The following RAB14 variants were observed in gnomAD, a reference collection of about 807,000 sequenced individuals.
RAB14 encodes ras-related protein Rab-14.
A neutral mutation model predicts 31.1 loss-of-function variants in RAB14; 3 were observed. The ratio of observed to expected loss-of-function variants is 0.10; its 90% CI spans 0.04 to 0.25. The LOEUF (loss-of-function observed/expected upper bound fraction) is 0.25, where lower values mean the gene tolerates loss of function less well. Ranked by LOEUF, RAB14 falls within the 10% of genes least tolerant of loss-of-function variation. The pLI is 1.00. For missense variants in RAB14, 111 were observed against 260.1 expected, an observed-to-expected ratio of 0.43 and a Z score of 3.94; for synonymous variants, 85 against 84.9, an observed-to-expected ratio of 1.00 and a Z score of 0.00.
intron 6 of RAB14, 61 bp downstream of exon 6, chr9:121,183,250 C>A: frequency 1.5e-6 from 2 of 1,369,406 alleles, no homozygotes; most frequent in South Asian, 1.3e-5. Context: ...ACAAAACTGT[C>A]AAGCCCACCT....
intron 1 of RAB14, among the ~76,000 whole-genome samples, chr9:121,200,380 G>A (rs1157758074): frequency 1.3e-5 from 2 of 152,206 alleles, no homozygotes; most frequent in African/African-American, 2.4e-5. Context: ...ATTTTTTAAA[G>A]GCAGTTGGGA....
chr9:121,183,436 A>C (rs1395623150), intron 5 of RAB14, 38 bp from the exon 6 acceptor site: 1 of 1,478,370 alleles, frequency 6.8e-7, no homozygotes, highest in East Asian at 2.3e-5. Flanking sequence ...TTGTAACAAA[A>C]GCAGTAATTT....
At chr9:121,187,050 G>A in intron 4 of RAB14, 31 bp from the exon 5 acceptor site, 3 of 1,325,304 alleles carry the variant, frequency 2.3e-6, no homozygotes, top group East Asian at 2.5e-5. Flanking sequence ...ATTTGTGACT[G>A]CCATATAATT....
Position 121,179,048 on chromosome 9 carries a change from GCATCAGCCACCAAATGTGCTGATCTTACA to G in RAB14, c.*2319_*2347del, listed in dbSNP as rs1231334502. 7 of 152,182 alleles carry G rather than the reference GCATCAGCCACCAAATGTGCTGATCTTACA, an allele frequency of 4.6e-5. No individual in the cohort carries two copies. The highest frequency in any genetic ancestry group is 3.9e-4 in the Admixed American group (6 of 15,270). 9.4% of individuals were successfully genotyped at this position (152,182 alleles called of 1,614,324 possible). A position where few individuals can be genotyped will look rare whatever the true frequency, so the allele number is the denominator to read the frequency against. ...CTCCCGGTACAGTCAAAGGAGAACA[GCATCAGCCACCAAATGTGCTGATCTTACA>G]CTGAAAAGGGTTGACTGAAAACATT... On this transcript the variant is annotated 3_prime_UTR_variant, in exon 8 of 8. Coordinates refer to ENST00000373840, the MANE Select transcript of RAB14 (RefSeq NM_016322.4).
intron 4 of RAB14, among the ~76,000 whole-genome samples, chr9:121,189,548 A>G (rs913477617): frequency 6.6e-6 from 1 of 152,110 alleles, no homozygotes; most frequent in African/African-American, 2.4e-5. Context: ...TTTAGGCACT[A>G]TAATTATAAT....
At chr9:121,192,958 T>A (rs1426533909) in intron 2 of RAB14, among the ~76,000 whole-genome samples, 1 of 152,104 alleles carries the variant, frequency 6.6e-6, no homozygotes, top group African/African-American at 2.4e-5. Context: ...ATACTATATT[T>A]TATATATATT....
Position 121,181,324 on chromosome 9 carries a change from G to A in RAB14, c.*72C>T, listed in dbSNP as rs1162184908. On this transcript the variant is annotated 3_prime_UTR_variant, in exon 8 of 8. Coordinates refer to ENST00000373840, the MANE Select transcript of RAB14 (RefSeq NM_016322.4). Reference sequence around the variant, plus strand: ...CCCAGTAAGATGTACAGAAGACAATGAGGCAGTAAAAAGTACTGCTTCCAA... The same window carrying A: ...CCCAGTAAGATGTACAGAAGACAATAAGGCAGTAAAAAGTACTGCTTCCAA... The A allele has an allele frequency of 7.3e-7, 1 of 1,377,222 alleles. No individual in the cohort carries two copies. The highest frequency in any genetic ancestry group is 9.8e-7 in the Non-Finnish European group (1 of 1,024,498). The allele number at this position is 1,377,222 out of a possible 1,614,324, so 85.3% of individuals were successfully genotyped here. A position where few individuals can be genotyped will look rare whatever the true frequency, so the allele number is the denominator to read the frequency against.
intron 7 of RAB14, 67 bp downstream of exon 7, chr9:121,182,863 C>A: frequency 7.3e-7 from 1 of 1,370,594 alleles, no homozygotes; most frequent in South Asian, 1.3e-5. Flanking sequence ...ATATACTTTT[C>A]ATATATACGG....
chr9:121,190,424 A>G, intron 4 of RAB14, 130 bp downstream of exon 4: 1 of 879,176 alleles, frequency 1.1e-6, no homozygotes, highest in South Asian at 2.6e-5. Flanking sequence ...AACTTAAGAA[A>G]CCATAAAAAA....
chr9:121,183,187 CA>C, intron 6 of RAB14, 123 bp downstream of exon 6: 1 of 840,114 alleles, frequency 1.2e-6, no homozygotes, highest in Non-Finnish European at 1.9e-6. Context: ...GTTACTTCCT[CA>C]TTCTTGAGAT....
In RAB14 at chr9:121,193,342, G is replaced by GT; in HGVS notation, c.52+18dup. ...TTAACCTTCTTTTGGGAACAAGAGT[G>GT]TAAGTTAAATAAACTTACCAATAAT... On this transcript the variant is annotated intron_variant, in intron 2 of 7. Transcript: ENST00000373840. 6.6e-7 allele frequency: 1 copy of GT among 1,508,018 alleles called. No homozygotes were observed. Among genetic ancestry groups the GT allele is most frequent in the Non-Finnish European group, 9.1e-7 (1 of 1,095,416 alleles). The allele number at this position is 1,508,018 out of a possible 1,614,324, so 93.4% of individuals were successfully genotyped here.
At chr9:121,196,045 A>G (rs2053713690) in intron 1 of RAB14, among the ~76,000 whole-genome samples, 1 of 152,090 alleles carries the variant, frequency 6.6e-6, no homozygotes, top group Non-Finnish European at 1.5e-5. Flanking sequence ...TTGGAAGGGA[A>G]AAAATTCTTC....
chr9:121,201,094 C>T (rs1158671864), intron 1 of RAB14, among the ~76,000 whole-genome samples: 3 of 152,224 alleles, frequency 2.0e-5, no homozygotes, highest in African/African-American at 7.2e-5. Flanking sequence ...CAGGGCCGGG[C>T]TCCCCACATC....
In RAB14 at chr9:121,178,374, G is replaced by A. The variant is rs56335605; in HGVS notation, c.*3022C>T. The A allele has an allele frequency of 0.12, 17,961 of 152,492 alleles. 1,205 individuals are homozygous for A. The highest frequency in any genetic ancestry group is 0.18 in the East Asian group (944 of 5,172). 9.4% of individuals were successfully genotyped at this position (152,492 alleles called of 1,614,324 possible). A position where few individuals can be genotyped will look rare whatever the true frequency, so the allele number is the denominator to read the frequency against. The stretch of plus-strand genomic sequence containing the variant: ...GTCACAATTACTGACATCCTTCTGG[G>A]ACACAATTTTCTGGGCCTGTGTTGA... On this transcript the variant is annotated 3_prime_UTR_variant, in exon 8 of 8. Transcript: ENST00000373840.
intron 4 of RAB14, 127 bp from the exon 5 acceptor site, chr9:121,187,146 C>T: frequency 2.0e-6 from 1 of 509,272 alleles, no homozygotes; most frequent in African/African-American, 2.0e-5. Flanking sequence ...TTACTCAGAA[C>T]AGTAGTTGTG....
chr9:121,184,103 G>C (rs2053647605), intron 5 of RAB14, among the ~76,000 whole-genome samples: 2 of 152,180 alleles, frequency 1.3e-5, no homozygotes, highest in Admixed American at 6.5e-5. Context: ...GAGGACATTA[G>C]ATCTCAGGTA....
At chr9:121,186,228 C>T (rs990476774) in intron 5 of RAB14, among the ~76,000 whole-genome samples, 7 of 152,132 alleles carry the variant, frequency 4.6e-5, no homozygotes, top group Middle Eastern at 3.2e-3. Flanking sequence ...TGTAAAGCTG[C>T]TTTCTCTCCA....
chr9:121,191,414 T>C (rs994666941), intron 3 of RAB14, among the ~76,000 whole-genome samples: 5 of 152,120 alleles, frequency 3.3e-5, no homozygotes, highest in African/African-American at 4.8e-5. Flanking sequence ...CATAGCTCAC[T>C]GTAACCTCGA....
intron 1 of RAB14, among the ~76,000 whole-genome samples, chr9:121,198,871 T>C (rs774223902): frequency 7.2e-5 from 11 of 152,000 alleles, no homozygotes; most frequent in Non-Finnish European, 1.3e-4. Context: ...GTAGTTAATC[T>C]AATAATCTAA....
Sources: allele counts gnomAD v4.1 joint callset (sites outside exome capture counted in the v4.1 genomes callset), GRCh38; gene constraint gnomAD v4.1.1; transcripts MANE v1.5; gene names NCBI Gene and HGNC (gene_info 2026-07-23, HGNC 2026-07-21).